The following SYNE1 variants were observed in gnomAD, a reference collection of about 807,000 sequenced individuals.
SYNE1 encodes the protein spectrin repeat containing nuclear envelope protein 1.
Under a neutral mutation model 1,111.0 loss-of-function variants are expected in SYNE1, and 616 were observed. The ratio of observed to expected loss-of-function variants is 0.55; its 90% CI spans 0.52 to 0.59. The LOEUF is 0.59. Among genes scored for constraint, SYNE1 ranks in the 20% least tolerant of loss-of-function variants. The pLI, the probability that SYNE1 is intolerant of heterozygous loss-of-function variation, is 0.00. For missense variants in SYNE1, 10,006 were observed against 10,417.0 expected (o/e 0.96, Z 1.72); for synonymous variants, 3,855 against 3,825.8 (o/e 1.01, Z -0.28).
intron 38 of SYNE1, among the ~76,000 whole-genome samples, 195 bp from the exon 39 acceptor site, chr6:152,425,742 C>G (rs1266323207): frequency 6.6e-6 from 1 of 152,196 alleles, no homozygotes; most frequent in African/African-American, 2.4e-5. Context: ...GGTTCATCCA[C>G]TTAACCTTTA....
At chr6:152,458,632 G>C in intron 22 of SYNE1, 125 bp downstream of exon 22, 1 of 994,908 alleles carries the variant, frequency 1.0e-6, no homozygotes, top group Non-Finnish European at 1.5e-6. Flanking sequence ...TTTTTGTTTT[G>C]AGTTAGTAGT....
chr6:152,497,199 T>C (rs1313654479), intron 11 of SYNE1, among the ~76,000 whole-genome samples: 1 of 152,202 alleles, frequency 6.6e-6, no homozygotes, highest in Non-Finnish European at 1.5e-5. Context: ...ATCTCCATCA[T>C]CTAACACAGT....
rs2153538346 is a variant in SYNE1, at chr6:152,236,940, G to C, written c.20076C>G (p.Ser6692=). The C allele has an allele frequency of 1.2e-6, 2 of 1,613,864 alleles. No individual in the cohort carries two copies. Among genetic ancestry groups the C allele is most frequent in the Non-Finnish European group, 1.7e-6 (2 of 1,179,976 alleles). The change falls in exon 109 of 146, where the codon TCC becomes TCG. Residue 6692 remains serine, a synonymous_variant. Transcript: ENST00000367255. ...VELEYILETW[S]HLDEDQQELS... Reference sequence around the variant, plus strand: ...GCTCCTGCTGGTCCTCATCCAGATGGGACCACGTCTAGAAACACAACATGA... The same window carrying C: ...GCTCCTGCTGGTCCTCATCCAGATGCGACCACGTCTAGAAACACAACATGA...
At chr6:152,244,784 T>A in intron 105 of SYNE1, 128 bp from the exon 106 acceptor site, 1 of 1,285,744 alleles carries the variant, frequency 7.8e-7, no homozygotes, top group Non-Finnish European at 1.1e-6. Context: ...ACAAAAGGAA[T>A]CATTTCAATA....
At chr6:152,244,465 A>G in intron 106 of SYNE1, 72 bp downstream of exon 106, 3 of 1,611,028 alleles carry the variant, frequency 1.9e-6, no homozygotes, top group Non-Finnish European at 2.5e-6. Context: ...GCCAAGAAAA[A>G]TAAAGTGATT....
At chr6:152,181,663 A>G (rs1038134875) in intron 128 of SYNE1, among the ~76,000 whole-genome samples, 2 of 152,208 alleles carry the variant, frequency 1.3e-5, no homozygotes, top group African/African-American at 4.8e-5. Context: ...ATTGCTGACT[A>G]TATTCCATTG....
chr6:152,440,739 T>C (rs2154226485), intron 32 of SYNE1, among the ~76,000 whole-genome samples: 1 of 152,118 alleles, frequency 6.6e-6, no homozygotes, highest in South Asian at 2.1e-4. Flanking sequence ...AGCTGATTTT[T>C]GTATTTTTAG....
chr6:152,413,774 T>C (rs1020458686), intron 41 of SYNE1, among the ~76,000 whole-genome samples: 1 of 152,146 alleles, frequency 6.6e-6, no homozygotes, highest in Admixed American at 6.6e-5. Context: ...ATCAACCTTC[T>C]ATTAAGTTTG....
chr6:152,486,009 A>G (rs904733133), intron 12 of SYNE1, among the ~76,000 whole-genome samples: 9 of 152,156 alleles, frequency 5.9e-5, no homozygotes, highest in African/African-American at 1.9e-4. Flanking sequence ...ATCCTGGCCA[A>G]CATGGTGAAA....
At chr6:152,281,170 A>G (rs191930628) in intron 97 of SYNE1, among the ~76,000 whole-genome samples, 23 of 152,332 alleles carry the variant, frequency 1.5e-4, no homozygotes, top group African/African-American at 5.1e-4. Context: ...AAGTTTGATG[A>G]CAAGCATATG....
chr6:152,496,442 T>A (rs1156706203), intron 11 of SYNE1, among the ~76,000 whole-genome samples: 1 of 152,084 alleles, frequency 6.6e-6, no homozygotes, highest in Non-Finnish European at 1.5e-5. Context: ...CAATTCTTAG[T>A]CCTTTATTAC....
intron 69 of SYNE1, 82 bp downstream of exon 69, chr6:152,353,181 G>A (rs1415326427): frequency 6.6e-7 from 1 of 1,525,016 alleles, no homozygotes; most frequent in East Asian, 2.2e-5. Context: ...ATGATCACCT[G>A]TGTTTCCAGT....
intron 55 of SYNE1, among the ~76,000 whole-genome samples, chr6:152,384,785 A>C (rs1004246872): frequency 6.6e-6 from 1 of 151,854 alleles, no homozygotes; most frequent in African/African-American, 2.4e-5. Flanking sequence ...AGGCTGAGGC[A>C]GGGAGAATCA....
chr6:152,403,946 C>A (rs1177247445), intron 46 of SYNE1, among the ~76,000 whole-genome samples: 2 of 151,842 alleles, frequency 1.3e-5, no homozygotes, highest in East Asian at 3.9e-4. Flanking sequence ...ATGTCTGATA[C>A]AATCCACATG....
intron 16 of SYNE1, among the ~76,000 whole-genome samples, chr6:152,469,394 C>T (rs1347876885): frequency 6.6e-6 from 1 of 151,834 alleles, no homozygotes; most frequent in Non-Finnish European, 1.5e-5. Context: ...TTAAGTTATT[C>T]ACAGACACAT....
At chr6:152,554,442 A>C (rs1038414374) in intron 3 of SYNE1, among the ~76,000 whole-genome samples, 4 of 152,096 alleles carry the variant, frequency 2.6e-5, no homozygotes, top group Non-Finnish European at 4.4e-5. Flanking sequence ...GGACTGGATC[A>C]AAAGTCTGAG....
intron 144 of SYNE1, among the ~76,000 whole-genome samples, chr6:152,131,127 AT>A (rs926078357): frequency 6.6e-5 from 10 of 151,936 alleles, no homozygotes; most frequent in Admixed American, 3.3e-4. Flanking sequence ...CACTTAATAT[AT>A]TTTTTTTCAT....
Position 152,219,001 on chromosome 6 carries a change from A to AT in SYNE1, c.22044+1_22044+2insA. On this transcript the variant is annotated splice_donor_variant, in intron 120 of 145. Coordinates refer to ENST00000367255, the MANE Select transcript of SYNE1 (RefSeq NM_182961.4). LOFTEE classifies it high-confidence loss of function. The stretch of plus-strand genomic sequence containing the variant: ...AGAAGATACTAAATAGGAGCTCTGT[A>AT]CCTGTAATGAAGTCTGCTGTTTGCA... 1 of 1,613,756 alleles carries AT rather than the reference A, an allele frequency of 6.2e-7. No individual in the cohort carries two copies. Among genetic ancestry groups the AT allele is most frequent in the Non-Finnish European group, 8.5e-7 (1 of 1,179,944 alleles).
chr6:152,451,301 A>G, intron 25 of SYNE1, 96 bp from the exon 26 acceptor site: 1 of 1,314,016 alleles, frequency 7.6e-7, no homozygotes, highest in African/African-American at 1.5e-5. Flanking sequence ...AAACCATAAC[A>G]TATTCCTTTT....
Sources: allele counts gnomAD v4.1 joint callset (sites outside exome capture counted in the v4.1 genomes callset), GRCh38; gene constraint gnomAD v4.1.1; transcripts MANE v1.5; gene names NCBI Gene and HGNC (gene_info 2026-07-23, HGNC 2026-07-21).